The following UBE2E1 variants were observed in gnomAD, a reference collection of about 807,000 sequenced individuals.
UBE2E1 encodes ubiquitin-conjugating enzyme E2 E1.
UBE2E1 carries 6 observed loss-of-function variants against 21.4 expected under a neutral mutation model. The ratio of observed to expected loss-of-function variants is 0.28; its 90% CI spans 0.15 to 0.55. The LOEUF (loss-of-function observed/expected upper bound fraction) is 0.55, where lower values mean the gene tolerates loss of function less well. Among genes scored for constraint, UBE2E1 ranks in the 20% least tolerant of loss-of-function variants. The pLI is 0.93. For missense variants in UBE2E1, 142 were observed against 236.5 expected (o/e 0.60, Z 2.62); for synonymous variants, 87 against 82.7 (o/e 1.05, Z -0.28).
intron 3 of UBE2E1, among the ~76,000 whole-genome samples, chr3:23,872,608 T>G (rs143820775): frequency 6.6e-6 from 1 of 151,872 alleles, no homozygotes; most frequent in African/African-American, 2.4e-5. Flanking sequence ...TTAACAGTTA[T>G]GGATTTTTAC....
chr3:23,865,510 AT>A, intron 3 of UBE2E1, among the ~76,000 whole-genome samples: 1 of 152,278 alleles, frequency 6.6e-6, no homozygotes, highest in East Asian at 1.9e-4. Flanking sequence ...GCATGCCACC[AT>A]GCCCGGCTGT....
chr3:23,888,118 C>A (rs1372568117), intron 4 of UBE2E1: 1 of 421,280 alleles, frequency 2.4e-6, no homozygotes, highest in Non-Finnish European at 4.7e-6. Flanking sequence ...CAAAGCAAGA[C>A]CCCAAAAAAA....
intron 3 of UBE2E1, among the ~76,000 whole-genome samples, chr3:23,850,568 T>C (rs1031537828): frequency 2.0e-5 from 3 of 151,680 alleles, no homozygotes; most frequent in African/African-American, 4.8e-5. Flanking sequence ...ACCAGAGCAG[T>C]GGTGCAATCC....
At chr3:23,873,285 T>A (rs762544565) in intron 3 of UBE2E1, among the ~76,000 whole-genome samples, 2 of 152,130 alleles carry the variant, frequency 1.3e-5, no homozygotes, top group Non-Finnish European at 2.9e-5. Flanking sequence ...AACTGCCTAG[T>A]TTTTCCCTGA....
chr3:23,884,782 GC>G (rs1331424510), intron 3 of UBE2E1, among the ~76,000 whole-genome samples: 1 of 152,104 alleles, frequency 6.6e-6, no homozygotes, highest in Non-Finnish European at 1.5e-5. Context: ...ATTTTAGAGA[GC>G]CTGGCTTCTG....
chr3:23,810,565 C>A lies in UBE2E1; in HGVS notation c.153-895C>A. The A allele has an allele frequency of 6.6e-7, 1 of 1,520,120 alleles. No individual in the cohort carries two copies. Among genetic ancestry groups the A allele is most frequent in the Non-Finnish European group, 8.8e-7 (1 of 1,136,554 alleles). The allele number at this position is 1,520,120 out of a possible 1,614,324, so 94.2% of individuals were successfully genotyped here. On this transcript the variant is annotated intron_variant, in intron 2 of 5. Coordinates refer to ENST00000306627, the MANE Select transcript of UBE2E1 (RefSeq NM_003341.5). The surrounding 1 kb of genome is among the most constrained non-coding windows in gnomAD (Gnocchi z 5.8). ...TGGGCCGAGAGTCCCGGCCAGCGTG[C>A]GGGGCGGAGGCAGGGTCCGGTGCAC...
chr3:23,856,507 C>G (rs1700440481), intron 3 of UBE2E1, among the ~76,000 whole-genome samples: 1 of 152,146 alleles, frequency 6.6e-6, no homozygotes, highest in Non-Finnish European at 1.5e-5. Flanking sequence ...TGCCAAGGAC[C>G]AACAACTGTT....
In UBE2E1 at chr3:23,890,804, T is replaced by G. The variant is rs1701399267; in HGVS notation, c.*198T>G. 1 of 446,084 alleles carries G rather than the reference T, an allele frequency of 2.2e-6. No individual in the cohort carries two copies. The highest frequency in any genetic ancestry group is 2.0e-5 in the African/African-American group (1 of 49,216). 27.6% of individuals were successfully genotyped at this position (446,084 alleles called of 1,614,324 possible). ...AGACAGAATTGGTAATAGCAACTTT[T>G]AAAATTGTCATTAGTTCTGCAATAT... On this transcript the variant is annotated 3_prime_UTR_variant, in exon 6 of 6. Transcript: ENST00000306627.
intron 3 of UBE2E1, among the ~76,000 whole-genome samples, chr3:23,838,795 A>G (rs964562846): frequency 6.6e-6 from 1 of 151,920 alleles, no homozygotes; most frequent in East Asian, 1.9e-4. Context: ...CTACCGTGCC[A>G]GGCCTGATAT....
At chr3:23,844,856 C>T (rs768440307) in intron 3 of UBE2E1, among the ~76,000 whole-genome samples, 5 of 152,038 alleles carry the variant, frequency 3.3e-5, no homozygotes, top group East Asian at 1.9e-4. Context: ...TATTTATTAC[C>T]GTAGCCCTGT....
At chr3:23,809,389 G>T (rs768103980) in intron 2 of UBE2E1, among the ~76,000 whole-genome samples, 1 of 152,166 alleles carries the variant, frequency 6.6e-6, no homozygotes, top group Non-Finnish European at 1.5e-5. Flanking sequence ...ATTGGAAGGG[G>T]CACATTCACC....
In UBE2E1 at chr3:23,891,365, A is replaced by ATTC. The variant is rs1701450191; in HGVS notation, c.*764_*766dup. Reference sequence around the variant, plus strand: ...TTTGCCTTTTGGTTGCCATTCGCAGATTCTTCTGAAATCGATAGGTATCTG... The same window carrying ATTC: ...TTTGCCTTTTGGTTGCCATTCGCAGATTCTTCTTCTGAAATCGATAGGTATCTG... On this transcript the variant is annotated 3_prime_UTR_variant, in exon 6 of 6. Transcript: ENST00000306627. 6.6e-6 allele frequency: 1 copy of ATTC among 152,200 alleles called. No homozygotes were observed. The highest frequency in any genetic ancestry group is 2.4e-5 in the African/African-American group (1 of 41,452). The allele number at this position is 152,200 out of a possible 1,614,324, so 9.4% of individuals were successfully genotyped here.
At chr3:23,875,073 T>G (rs188322182) in intron 3 of UBE2E1, among the ~76,000 whole-genome samples, 1 of 152,332 alleles carries the variant, frequency 6.6e-6, no homozygotes, top group African/African-American at 2.4e-5. Flanking sequence ...ACCCTTTACT[T>G]ACAAGTTACT....
At chr3:23,834,849 A>G (rs1699946197) in intron 3 of UBE2E1, among the ~76,000 whole-genome samples, 2 of 152,218 alleles carry the variant, frequency 1.3e-5, no homozygotes, top group African/African-American at 4.8e-5. Context: ...TTTTAACTTA[A>G]AATATTAATG....
intron 3 of UBE2E1, among the ~76,000 whole-genome samples, chr3:23,838,191 C>A (rs916248517): frequency 3.3e-5 from 5 of 152,104 alleles, no homozygotes; most frequent in African/African-American, 9.7e-5. Flanking sequence ...CCTCAGCCTC[C>A]TAAGTAGCTG....
chr3:23,860,898 TTTGA>T, intron 3 of UBE2E1, among the ~76,000 whole-genome samples: 1 of 152,312 alleles, frequency 6.6e-6, no homozygotes, highest in African/African-American at 2.4e-5. Flanking sequence ...AGGTACATGA[TTTGA>T]TTGTTTTTCG....
At chr3:23,860,000 C>G (rs1414525473) in intron 3 of UBE2E1, among the ~76,000 whole-genome samples, 1 of 152,188 alleles carries the variant, frequency 6.6e-6, no homozygotes, top group Non-Finnish European at 1.5e-5. Context: ...TTTGAAGAAG[C>G]AGTTCAGAAC....
At chr3:23,867,526 T>G (rs971111815) in intron 3 of UBE2E1, among the ~76,000 whole-genome samples, 1 of 152,216 alleles carries the variant, frequency 6.6e-6, no homozygotes, top group Non-Finnish European at 1.5e-5. Context: ...ATAATTATCT[T>G]AGATAACAGT....
At chr3:23,878,936 T>A in intron 3 of UBE2E1, 1 of 380,674 alleles carries the variant, frequency 2.6e-6, no homozygotes, top group South Asian at 2.2e-5. Flanking sequence ...AAAAATTGTC[T>A]TCCACAAAAG....
Sources: allele counts gnomAD v4.1 joint callset (sites outside exome capture counted in the v4.1 genomes callset), GRCh38; gene constraint gnomAD v4.1.1; non-coding constraint Gnocchi (gnomAD v3.1); transcripts MANE v1.5; gene names NCBI Gene and HGNC (gene_info 2026-07-23, HGNC 2026-07-21).